INTS2: variants seen among roughly 807,000 people sequenced by gnomAD.
INTS2 encodes the protein integrator complex subunit 2, also known as KIAA1287.
INTS2 carries 57 observed loss-of-function variants against 139.6 expected under a neutral mutation model. That is an observed-to-expected ratio of 0.41 (90% CI 0.33 to 0.51). The LOEUF is 0.51. Ranked by LOEUF, INTS2 falls within the 20% of genes least tolerant of loss-of-function variation. The pLI is 0.28. For synonymous variants in INTS2, 473 were observed against 493.4 expected (o/e 0.96, Z 0.55); for missense variants, 1,196 against 1,436.7 (o/e 0.83, Z 2.71).
At chr17:61,906,963 CAAA>C (rs34773307) in intron 8 of INTS2, among the ~76,000 whole-genome samples, 2 of 80,194 alleles carry the variant, frequency 2.5e-5, no homozygotes, top group East Asian at 8.5e-4. Context: ...GATTCCATCT[CAAA>C]AAAAAAAAAA....
intron 3 of INTS2, among the ~76,000 whole-genome samples, chr17:61,923,797 C>T (rs1055965492): frequency 6.6e-6 from 1 of 152,000 alleles, no homozygotes; most frequent in Non-Finnish European, 1.5e-5. Context: ...CTTTTACAGG[C>T]ATGCACCACC....
chr17:61,912,588 C>T (rs1344590981), intron 5 of INTS2, among the ~76,000 whole-genome samples: 1 of 152,032 alleles, frequency 6.6e-6, no homozygotes, highest in African/African-American at 2.4e-5. Flanking sequence ...CATCATTACA[C>T]TCCAGCCTGG....
At chr17:61,896,083 T>C (rs561623020) in intron 11 of INTS2, among the ~76,000 whole-genome samples, 1 of 151,652 alleles carries the variant, frequency 6.6e-6, no homozygotes, top group East Asian at 1.9e-4. Context: ...CTACTAAAAA[T>C]ACAAAAATTA....
chr17:61,926,516 C>CTT lies in INTS2; in HGVS notation c.128_129insAA (p.Met44ArgfsTer45). 6.2e-7 allele frequency: 1 copy of CTT among 1,613,894 alleles called. No homozygotes were observed. Among genetic ancestry groups the CTT allele is most frequent in the Non-Finnish European group, 8.5e-7 (1 of 1,179,826 alleles). On this transcript the variant is annotated frameshift_variant, in exon 2 of 25. Coordinates refer to ENST00000251334, the MANE Select transcript of INTS2 (RefSeq NM_001351695.2). LOFTEE classifies it high-confidence loss of function. Reference sequence around the variant, plus strand: ...GGTCAGCAGGTGCACAAAGTGCCATCCGTACCAAACAGGGCAGAAGAAGTC... The same window carrying CTT: ...GGTCAGCAGGTGCACAAAGTGCCATCTTCGTACCAAACAGGGCAGAAGAAGTC...
chr17:61,920,486 C>CTTT (rs1187583288), intron 4 of INTS2, among the ~76,000 whole-genome samples: 1 of 106,490 alleles, frequency 9.4e-6, no homozygotes, highest in Admixed American at 1.1e-4. Flanking sequence ...CTGGCCTATA[C>CTTT]TTTTTTTTTT....
At chr17:61,916,904 G>T (rs1567917174) in intron 5 of INTS2, among the ~76,000 whole-genome samples, 1 of 151,986 alleles carries the variant, frequency 6.6e-6, no homozygotes, top group Non-Finnish European at 1.5e-5. Context: ...TCTGACAAAG[G>T]CCTAATGTGC....
In INTS2 at chr17:61,869,071, A is replaced by G. The variant is rs371622894; in HGVS notation, c.3207T>C (p.Ala1069=). ...QYALPKSLSV[A]RLAVNVMGTL... ...TTCCCATGACATTGACAGCTAAACG[A>G]GCCACACTAAGTGACTTTGGTAATG... The change falls in exon 23 of 25, where the codon GCT becomes GCC. Residue 1069 remains alanine, a synonymous_variant. Transcript: ENST00000251334. This position sits in a 1 kb window ranked among gnomAD's most constrained non-coding sequence, Gnocchi z 5.4. 2.5e-6 allele frequency: 4 copies of G among 1,612,490 alleles called. No homozygotes were observed. The African/African-American group carries it at 5.3e-5, about 22-fold the overall frequency.
chr17:61,882,797 T>C lies in INTS2; in HGVS notation c.2090-1626A>G, dbSNP rs538521870. ...ATTAACGAAGTACTACTATGCTAAG[T>C]GCTTCACACATAAGTACCTAATAAA... On this transcript the variant is annotated intron_variant, in intron 16 of 24. Transcript: ENST00000251334. This position sits in a 1 kb window ranked among gnomAD's most constrained non-coding sequence, Gnocchi z 4.7. 6.6e-6 allele frequency among the ~76,000 whole-genome samples: 1 copy of C among 152,334 alleles called. No individual in the cohort carries two copies. The highest frequency in any genetic ancestry group is 1.5e-5 in the Non-Finnish European group (1 of 68,034).
chr17:61,904,620 T>C (rs1437299628), intron 8 of INTS2, 35 bp from the exon 9 acceptor site: 1 of 1,532,982 alleles, frequency 6.5e-7, no homozygotes, highest in East Asian at 2.3e-5. Flanking sequence ...TTTACATTTT[T>C]AGTTGGGATG....
intron 13 of INTS2, 35 bp from the exon 14 acceptor site, chr17:61,891,724 T>G: frequency 6.6e-7 from 1 of 1,506,442 alleles, no homozygotes; most frequent in Non-Finnish European, 9.0e-7. Context: ...GAATTAATTG[T>G]GGCAAAAAGA....
chr17:61,868,202 T>G lies in INTS2; in HGVS notation c.3245-193A>C, dbSNP rs2079061545. Reference sequence around the variant, plus strand: ...AGATACAAATTATTATGCACAAGTTTTGCAATAAGTACATTACATGCATTA... The same window carrying G: ...AGATACAAATTATTATGCACAAGTTGTGCAATAAGTACATTACATGCATTA... On this transcript the variant is annotated intron_variant, in intron 23 of 24. Coordinates refer to ENST00000251334, the MANE Select transcript of INTS2 (RefSeq NM_001351695.2). The surrounding 1 kb of genome is among the most constrained non-coding windows in gnomAD (Gnocchi z 4.7). Among the ~76,000 whole-genome samples, 1 of 152,126 alleles carries G rather than the reference T, an allele frequency of 6.6e-6. No homozygotes were observed. The highest frequency in any genetic ancestry group is 2.4e-5 in the African/African-American group (1 of 41,424).
intron 9 of INTS2, among the ~76,000 whole-genome samples, chr17:61,899,790 T>C (rs1347305764): frequency 6.6e-6 from 1 of 151,620 alleles, no homozygotes; most frequent in African/African-American, 2.4e-5. Context: ...CGCATGTTTG[T>C]AGTCCCAGCT....
At chr17:61,903,467 G>A (rs985676532) in intron 9 of INTS2, among the ~76,000 whole-genome samples, 1 of 151,810 alleles carries the variant, frequency 6.6e-6, no homozygotes. Context: ...ATACTACCAG[G>A]TATACCTGGT....
rs1353065929 is a variant in INTS2 at position 61,865,513 on chromosome 17, TAC to T, written c.*2042_*2043del. On this transcript the variant is annotated 3_prime_UTR_variant, in exon 25 of 25. Transcript: ENST00000251334. This position sits in a 1 kb window ranked among gnomAD's most constrained non-coding sequence, Gnocchi z 4.8. ...GAATATTAACATTTACTAATATATT[TAC>T]ACATTTTATTTACATCATCAACAAA... The T allele has an allele frequency of 2.0e-5, 3 of 152,684 alleles. No individual in the cohort carries two copies. The highest frequency in any genetic ancestry group is 7.2e-5 in the African/African-American group (3 of 41,474). 9.5% of individuals were successfully genotyped at this position (152,684 alleles called of 1,614,324 possible).
At chr17:61,923,199 C>T (rs1008257095) in intron 3 of INTS2, among the ~76,000 whole-genome samples, 2 of 151,276 alleles carry the variant, frequency 1.3e-5, no homozygotes, top group Non-Finnish European at 2.9e-5. Context: ...AAAACTCGGC[C>T]GGGCGCAGTG....
chr17:61,883,993 T>A (rs1357847576), intron 16 of INTS2, among the ~76,000 whole-genome samples: 1 of 143,244 alleles, frequency 7.0e-6, no homozygotes, highest in East Asian at 2.1e-4. Context: ...TGAGACCCTT[T>A]CCCTAAAGAA....
intron 18 of INTS2, among the ~76,000 whole-genome samples, chr17:61,877,308 T>C (rs779236277): frequency 8.5e-5 from 13 of 152,232 alleles, no homozygotes; most frequent in Non-Finnish European, 1.8e-4. Context: ...GCAGACCTTA[T>C]ATACTACTTA....
intron 13 of INTS2, 128 bp from the exon 14 acceptor site, chr17:61,891,817 C>A: frequency 3.1e-6 from 2 of 636,568 alleles, no homozygotes; most frequent in South Asian, 2.4e-5. Flanking sequence ...TTTGGCAGTT[C>A]CAAATATATT....
intron 3 of INTS2, among the ~76,000 whole-genome samples, chr17:61,922,511 C>CTATATAT (rs1309045818): frequency 1.4e-5 from 1 of 73,198 alleles, no homozygotes; most frequent in Non-Finnish European, 2.8e-5. Context: ...AACAAACAAA[C>CTATATAT]ATATATATAT....
Sources: allele counts gnomAD v4.1 joint callset (sites outside exome capture counted in the v4.1 genomes callset), GRCh38; gene constraint gnomAD v4.1.1; non-coding constraint Gnocchi (gnomAD v3.1); transcripts MANE v1.5; gene names NCBI Gene and HGNC (gene_info 2026-07-23, HGNC 2026-07-21).